SGCZ: variants seen among roughly 807,000 people sequenced by gnomAD.
SGCZ encodes the protein zeta-sarcoglycan.
A neutral mutation model predicts 41.3 loss-of-function variants in SGCZ; 40 were observed. That is an observed-to-expected ratio of 0.97 (90% confidence interval 0.75 to 1.26). SGCZ has a LOEUF of 1.26. Ranked by LOEUF, SGCZ falls within the 50% of genes most tolerant of loss-of-function variation. The pLI is 0.00. For missense variants in SGCZ, 552 were observed against 369.8 expected, an observed-to-expected ratio of 1.49 and a Z score of -4.04; for synonymous variants, 206 against 137.5, an observed-to-expected ratio of 1.50 and a Z score of -3.49.
At chr8:15,234,971 T>G (rs1585702963) in intron 1 of SGCZ, among the ~76,000 whole-genome samples, 1 of 152,326 alleles carries the variant, frequency 6.6e-6, no homozygotes, top group East Asian at 1.9e-4. Flanking sequence ...TTTGTATATT[T>G]AAAGCATCAT....
chr8:14,766,779 C>T (rs1585242667), intron 1 of SGCZ, among the ~76,000 whole-genome samples: 1 of 140,998 alleles, frequency 7.1e-6, no homozygotes, highest in Non-Finnish European at 1.5e-5. Context: ...GGTTTTGCCA[C>T]GTTGCCCAGG....
chr8:14,693,892 T>G (rs1407478326), intron 1 of SGCZ, among the ~76,000 whole-genome samples: 1 of 152,058 alleles, frequency 6.6e-6, no homozygotes, highest in African/African-American at 2.4e-5. Flanking sequence ...ATGTCTGGCC[T>G]TGAGGGCATT....
intron 1 of SGCZ, among the ~76,000 whole-genome samples, chr8:15,031,066 CGT>C (rs148879486): frequency 4.0e-5 from 6 of 149,474 alleles, no homozygotes; most frequent in East Asian, 2.0e-4. Context: ...TCATATTTCG[CGT>C]GTGTGTGTGT....
rs1379636806 is a variant in SGCZ, at chr8:14,318,106, G to C, written c.336+5997C>G. ...TATAAGAAAGGTTGTATTTCAATTCGGTAATAAAAATATGACTATTCCAAT... is the reference window on the plus strand; with the variant it reads ...TATAAGAAAGGTTGTATTTCAATTCCGTAATAAAAATATGACTATTCCAAT... On this transcript the variant is annotated intron_variant, in intron 3 of 7. Coordinates refer to ENST00000382080, the MANE Select transcript of SGCZ (RefSeq NM_139167.4). Among the ~76,000 whole-genome samples, 3 of 151,542 alleles carry C rather than the reference G, an allele frequency of 2.0e-5. No homozygotes were observed. In the Admixed American group the frequency reaches 2.0e-4, roughly 10 times the overall value.
chr8:15,215,706 C>G (rs1261512503), intron 1 of SGCZ, among the ~76,000 whole-genome samples: 6 of 152,174 alleles, frequency 3.9e-5, no homozygotes, highest in Admixed American at 3.9e-4. Flanking sequence ...CTAAGGCAGT[C>G]TGACCCTGCC....
chr8:14,505,630 A>G (rs546630722), intron 2 of SGCZ, among the ~76,000 whole-genome samples: 2 of 152,094 alleles, frequency 1.3e-5, no homozygotes, highest in Non-Finnish European at 2.9e-5. Flanking sequence ...ATCTCTCTTC[A>G]TCTACAATTG....
chr8:14,961,305 G>C (rs968233611), intron 1 of SGCZ, among the ~76,000 whole-genome samples: 2 of 152,068 alleles, frequency 1.3e-5, no homozygotes, highest in African/African-American at 4.8e-5. Flanking sequence ...GTTTACTGTA[G>C]AAACTGAACT....
At chr8:14,482,563 T>G (rs1801563574) in intron 2 of SGCZ, among the ~76,000 whole-genome samples, 1 of 152,284 alleles carries the variant, frequency 6.6e-6, no homozygotes, top group African/African-American at 2.4e-5. Context: ...GTGTGGTGGT[T>G]AATTTTCTGC....
chr8:14,579,394 C>A (rs1010173629), intron 1 of SGCZ, among the ~76,000 whole-genome samples: 1 of 152,164 alleles, frequency 6.6e-6, no homozygotes, highest in African/African-American at 2.4e-5. Context: ...CATATCGAAA[C>A]AATGACTCAC....
intron 2 of SGCZ, among the ~76,000 whole-genome samples, chr8:14,409,763 CA>C (rs542105566): frequency 6.6e-6 from 1 of 152,232 alleles, no homozygotes; most frequent in South Asian, 2.1e-4. Context: ...TACTGATATA[CA>C]TATATAGCAA....
At chr8:14,769,337 G>GA (rs1016353527) in intron 1 of SGCZ, among the ~76,000 whole-genome samples, 82 of 152,224 alleles carry the variant, frequency 5.4e-4, no homozygotes, top group African/African-American at 1.8e-3. Flanking sequence ...TATTATGGGG[G>GA]AAAAATTTGT....
intron 5 of SGCZ, among the ~76,000 whole-genome samples, chr8:14,163,517 A>G (rs981314912): frequency 6.6e-6 from 1 of 152,178 alleles, no homozygotes; most frequent in Non-Finnish European, 1.5e-5. Flanking sequence ...TATTATCATC[A>G]TTAATAAATA....
chr8:14,342,267 T>A (rs546345761), intron 2 of SGCZ, among the ~76,000 whole-genome samples: 1 of 152,198 alleles, frequency 6.6e-6, no homozygotes, highest in Non-Finnish European at 1.5e-5. Flanking sequence ...TAGAGATTTG[T>A]GGAACTTTGA....
chr8:14,774,938 G>A (rs991094132), intron 1 of SGCZ, among the ~76,000 whole-genome samples: 2 of 152,016 alleles, frequency 1.3e-5, no homozygotes, highest in Non-Finnish European at 2.9e-5. Flanking sequence ...GTTTTAATCT[G>A]ACAATCTAAG....
In SGCZ at chr8:14,117,408, C is replaced by CTGTGTGTGTGTGTG. The variant is rs57595662; in HGVS notation, c.548-9187_548-9174dup. 3.5e-3 allele frequency among the ~76,000 whole-genome samples: 460 copies of CTGTGTGTGTGTGTG among 131,558 alleles called. 5 individuals carry two copies. Among genetic ancestry groups the CTGTGTGTGTGTGTG allele is most frequent in the African/African-American group, 0.013 (453 of 35,936 alleles). 86.3% of individuals were successfully genotyped at this position (131,558 alleles called of 152,430 possible). A position where few individuals can be genotyped will look rare whatever the true frequency, so the allele number is the denominator to read the frequency against. ...AATTGTGACACTGAGATGCACACAT[C>CTGTGTGTGTGTGTG]TGTGTGTGTGTGTGTGTGTGTGTGT... is the stretch of plus-strand genomic sequence containing the variant. On this transcript the variant is annotated intron_variant, in intron 5 of 7. Transcript: ENST00000382080.
chr8:14,654,717 A>G (rs1438496099), intron 1 of SGCZ, among the ~76,000 whole-genome samples: 1 of 149,644 alleles, frequency 6.7e-6, no homozygotes, highest in African/African-American at 2.5e-5. Context: ...GATTATAGGC[A>G]CGCACCGCCA....
chr8:14,729,683 T>C (rs1411607409), intron 1 of SGCZ, among the ~76,000 whole-genome samples: 1 of 152,180 alleles, frequency 6.6e-6, no homozygotes, highest in African/African-American at 2.4e-5. Flanking sequence ...AATCAATCTG[T>C]TGTTTAAGTA....
intron 2 of SGCZ, among the ~76,000 whole-genome samples, chr8:14,489,736 C>T (rs1336776246): frequency 6.6e-6 from 1 of 152,064 alleles, no homozygotes; most frequent in Non-Finnish European, 1.5e-5. Flanking sequence ...ATCTCCCAGT[C>T]TCTGTGAGAG....
chr8:15,070,800 A>G (rs901703109), intron 1 of SGCZ, among the ~76,000 whole-genome samples: 7 of 152,170 alleles, frequency 4.6e-5, no homozygotes, highest in Non-Finnish European at 1.0e-4. Context: ...GCTTCTTATT[A>G]TTTATGGTTT....
Sources: gnomAD v4.1 joint callset for allele counts (sites outside exome capture counted in the v4.1 genomes callset) on GRCh38, gnomAD v4.1.1 for gene constraint, MANE v1.5 for transcripts, NCBI Gene and HGNC (gene_info 2026-07-23, HGNC 2026-07-21) for gene names.